KCNT2: variants seen among roughly 807,000 people sequenced by gnomAD.
KCNT2 encodes the protein potassium sodium-activated channel subfamily T member 2.
Under a neutral mutation model 153.8 loss-of-function variants are expected in KCNT2, and 67 were observed. The observed-to-expected ratio is 0.44, with a 90% CI of 0.36 to 0.53. The LOEUF is 0.53. KCNT2 is among the 20% of genes least tolerant of loss of function. The pLI is 0.00. For missense variants in KCNT2, 975 were observed against 1,354.8 expected, an observed-to-expected ratio of 0.72 and a Z score of 4.40; for synonymous variants, 500 against 458.8, an observed-to-expected ratio of 1.09 and a Z score of -1.15.
At chr1:196,513,660 T>A (rs1681820042) in intron 1 of KCNT2, among the ~76,000 whole-genome samples, 1 of 152,200 alleles carries the variant, frequency 6.6e-6, no homozygotes, top group Non-Finnish European at 1.5e-5. Context: ...CTTTCTATGC[T>A]TCCTGAACCT....
intron 1 of KCNT2, among the ~76,000 whole-genome samples, chr1:196,570,067 TAAAAAAAAAAAAAAAAAA>T (rs199836975): frequency 2.2e-3 from 295 of 133,512 alleles, no homozygotes; most frequent in Admixed American, 3.5e-3. Flanking sequence ...TGAGCTAGAG[TAAAAAAAAAAAAAAAAAA>T]AAAAAAAAAA....
Position 196,428,287 on chromosome 1 carries a change from C to T in KCNT2, c.820-18G>A, listed in dbSNP as rs374842429. On this transcript the variant is annotated intron_variant, in intron 9 of 27. Transcript: ENST00000294725. ...TGTTCAAACTGTAATATATTTTCCA[C>T]ATGTGAATGAAAAACACAGTAAGGA... The T allele has an allele frequency of 8.2e-6, 13 of 1,590,336 alleles. No homozygotes were observed. In the East Asian group the frequency reaches 9.0e-5, roughly 11 times the overall value.
At chr1:196,448,248 C>A (rs1675863286) in intron 8 of KCNT2, among the ~76,000 whole-genome samples, 1 of 151,534 alleles carries the variant, frequency 6.6e-6, no homozygotes, top group Non-Finnish European at 1.5e-5. Flanking sequence ...TAATAAGTAT[C>A]TCAGTGTCTT....
chr1:196,245,676 T>C (rs1019270882), intron 26 of KCNT2, among the ~76,000 whole-genome samples: 2 of 152,126 alleles, frequency 1.3e-5, no homozygotes, highest in Non-Finnish European at 2.9e-5. Flanking sequence ...GTTGAACTAA[T>C]TAAAAAGAAA....
At chr1:196,508,189 C>CAAAAAAAAAAAAAAAAAAA (rs10539910) in intron 1 of KCNT2, among the ~76,000 whole-genome samples, 101 of 59,974 alleles carry the variant, frequency 1.7e-3, no homozygotes, top group Non-Finnish European at 2.0e-3. Flanking sequence ...CCCTAAGTAG[C>CAAAAAAAAAAAAAAAAAAA]AAAAAAAAAA....
At chr1:196,401,477 T>C (rs1671410899) in intron 12 of KCNT2, among the ~76,000 whole-genome samples, 1 of 151,140 alleles carries the variant, frequency 6.6e-6, no homozygotes, top group African/African-American at 2.4e-5. Flanking sequence ...ATGTTTGTAA[T>C]AAAAAAAAGA....
At chr1:196,480,209 G>T (rs1678889780) in intron 4 of KCNT2, among the ~76,000 whole-genome samples, 1 of 152,110 alleles carries the variant, frequency 6.6e-6, no homozygotes, top group African/African-American at 2.4e-5. Context: ...AACAAAAAGT[G>T]TCTCAGGTAA....
At chr1:196,308,885 C>A (rs772605279) in intron 21 of KCNT2, among the ~76,000 whole-genome samples, 1 of 151,982 alleles carries the variant, frequency 6.6e-6, no homozygotes, top group South Asian at 2.1e-4. Flanking sequence ...TTAAAAATAA[C>A]GTTTTATAAA....
At chr1:196,504,351 T>C (rs1370972744) in intron 1 of KCNT2, among the ~76,000 whole-genome samples, 1 of 151,868 alleles carries the variant, frequency 6.6e-6, no homozygotes, top group East Asian at 1.9e-4. Context: ...TTTTTGTCCT[T>C]GTGATAGTTT....
chr1:196,236,408 A>T (rs1262867333), intron 26 of KCNT2, among the ~76,000 whole-genome samples: 1 of 151,540 alleles, frequency 6.6e-6, no homozygotes, highest in Non-Finnish European at 1.5e-5. Context: ...ATGCTTTATC[A>T]ATTACAAAAA....
chr1:196,579,608 C>T (rs1396331846), intron 1 of KCNT2, among the ~76,000 whole-genome samples: 1 of 152,066 alleles, frequency 6.6e-6, no homozygotes, highest in Non-Finnish European at 1.5e-5. Context: ...ATTCTCCTGC[C>T]TCAGCCTCCC....
chr1:196,512,189 C>T (rs1261076115), intron 1 of KCNT2, among the ~76,000 whole-genome samples: 2 of 152,126 alleles, frequency 1.3e-5, no homozygotes, highest in Admixed American at 1.3e-4. Flanking sequence ...CCAGAGACTC[C>T]ATTTTCTTGA....
At chr1:196,405,811 A>AT (rs1276477748) in intron 12 of KCNT2, among the ~76,000 whole-genome samples, 3 of 151,598 alleles carry the variant, frequency 2.0e-5, no homozygotes, top group Non-Finnish European at 3.0e-5. Context: ...GATTACTAGT[A>AT]TATAAAGTGA....
At chr1:196,606,352 C>T (rs989079474) in intron 1 of KCNT2, among the ~76,000 whole-genome samples, 3 of 152,110 alleles carry the variant, frequency 2.0e-5, no homozygotes, top group Non-Finnish European at 4.4e-5. Context: ...GAACCAAAAC[C>T]AAAGAATAGT....
chr1:196,299,309 G>A (rs999278121), intron 22 of KCNT2, among the ~76,000 whole-genome samples: 23 of 151,792 alleles, frequency 1.5e-4, no homozygotes, highest in African/African-American at 4.8e-4. Context: ...GAAAAGTATC[G>A]CTGACAAAAC....
At chr1:196,298,039 A>T (rs1660835308) in intron 22 of KCNT2, among the ~76,000 whole-genome samples, 1 of 152,190 alleles carries the variant, frequency 6.6e-6, no homozygotes, top group African/African-American at 2.4e-5. Flanking sequence ...TGAAAAAATG[A>T]CATTTTTACC....
chr1:196,275,362 A>G (rs1324989684), intron 25 of KCNT2, among the ~76,000 whole-genome samples: 1 of 150,748 alleles, frequency 6.6e-6, no homozygotes, highest in Non-Finnish European at 1.5e-5. Flanking sequence ...TCTGCTTTCC[A>G]TAGACTGATT....
chr1:196,455,892 G>C (rs143388333), intron 8 of KCNT2, among the ~76,000 whole-genome samples: 27 of 152,106 alleles, frequency 1.8e-4, no homozygotes, highest in African/African-American at 6.0e-4. Flanking sequence ...TCAGTAGATG[G>C]AGAGGCCTCA....
At chr1:196,583,756 C>G (rs943100668) in intron 1 of KCNT2, among the ~76,000 whole-genome samples, 2 of 151,694 alleles carry the variant, frequency 1.3e-5, no homozygotes, top group African/African-American at 4.8e-5. Context: ...AAAAGATCAT[C>G]AGAAATTTTA....
Sources: gnomAD v4.1 joint callset for allele counts (sites outside exome capture counted in the v4.1 genomes callset) on GRCh38, gnomAD v4.1.1 for gene constraint, MANE v1.5 for transcripts, NCBI Gene and HGNC (gene_info 2026-07-23, HGNC 2026-07-21) for gene names.